Variants in LRMDA observed in about 807,000 individuals in gnomAD.
LRMDA encodes the protein leucine-rich melanocyte differentiation-associated protein.
Under a neutral mutation model 29.8 loss-of-function variants are expected in LRMDA, and 18 were observed. The observed-to-expected ratio is 0.60, with a 90% CI of 0.42 to 0.90. The LOEUF is 0.90. Ranked by LOEUF, LRMDA falls within the 40% of genes least tolerant of loss-of-function variation. The probability of loss-of-function intolerance (pLI) is 0.00; values close to 1 mark genes in which losing one functional copy is unlikely to be tolerated. For missense variants in LRMDA, 273 were observed against 273.9 expected (o/e 1.00, Z 0.02); for synonymous variants, 125 against 109.4 (o/e 1.14, Z -0.89).
At chr10:76,526,297 G>A (rs535359324) in intron 6 of LRMDA, among the ~76,000 whole-genome samples, 2 of 152,164 alleles carry the variant, frequency 1.3e-5, no homozygotes, top group Non-Finnish European at 2.9e-5. Context: ...TGAAAGAGCA[G>A]ATCAGTAGGC....
chr10:75,672,946 T>C (rs1414676648), intron 2 of LRMDA, among the ~76,000 whole-genome samples: 1 of 147,060 alleles, frequency 6.8e-6, no homozygotes, highest in African/African-American at 2.6e-5. Flanking sequence ...GATGTGATAA[T>C]CCAAACTGTT....
chr10:76,558,856 G>A lies in LRMDA; in HGVS notation c.*1568G>A, dbSNP rs1843590929. On this transcript the variant is annotated 3_prime_UTR_variant, in exon 7 of 7. Coordinates refer to ENST00000611255, the MANE Select transcript of LRMDA (RefSeq NM_001305581.2). ...CCCTGTTTGAGATTACACAACCTTTGTTAATCAGTTCTTTAGACAAGTTAA... is the reference window on the plus strand; with the variant it reads ...CCCTGTTTGAGATTACACAACCTTTATTAATCAGTTCTTTAGACAAGTTAA... 1 of 152,140 alleles carries A rather than the reference G, an allele frequency of 6.6e-6. No individual in the cohort carries two copies. The highest frequency in any genetic ancestry group is 1.5e-5 in the Non-Finnish European group (1 of 68,016). 9.4% of individuals were successfully genotyped at this position (152,140 alleles called of 1,614,324 possible).
rs1291726590 is a variant in LRMDA at position 76,444,116 on chromosome 10, G to C, written c.602-113093G>C. On this transcript the variant is annotated intron_variant, in intron 6 of 6. Coordinates refer to ENST00000611255, the MANE Select transcript of LRMDA (RefSeq NM_001305581.2). ...AGCTTTGTTCAGCTATTCCCTGGGT[G>C]GGGTGTTTGCCTTTCCTCTGAGAAA... Among the ~76,000 whole-genome samples the C allele has an allele frequency of 5.3e-5, 8 of 152,282 alleles. No individual in the cohort carries two copies. The South Asian group carries it at 6.2e-4, about 12-fold the overall frequency.
rs1044665757 is a variant in LRMDA, at chr10:75,800,530, C to T, written c.132-235478C>T. 5.9e-5 allele frequency among the ~76,000 whole-genome samples: 9 copies of T among 151,870 alleles called. 1 individual carries two copies. In the South Asian group the frequency reaches 8.3e-4, roughly 14 times the overall value. ...TCGGCTCACTCAAACCTCCGCCTCCCGCGTTCAAGTGATTCTTCAAGTGAA... is the reference window on the plus strand; with the variant it reads ...TCGGCTCACTCAAACCTCCGCCTCCTGCGTTCAAGTGATTCTTCAAGTGAA... On this transcript the variant is annotated intron_variant, in intron 2 of 6. Transcript: ENST00000611255.
intron 5 of LRMDA, among the ~76,000 whole-genome samples, chr10:76,247,683 T>C (rs1852400472): frequency 6.6e-6 from 1 of 151,902 alleles, no homozygotes; most frequent in Non-Finnish European, 1.5e-5. Context: ...CTATCAAGAG[T>C]AGAGTTTCTC....
chr10:75,649,426 G>A (rs745865145), intron 2 of LRMDA, among the ~76,000 whole-genome samples: 6 of 152,138 alleles, frequency 3.9e-5, no homozygotes, highest in Non-Finnish European at 8.8e-5. Context: ...TACCTCTTCA[G>A]CACTTTGTTT....
At chr10:76,194,069 T>A (rs568077121) in intron 5 of LRMDA, among the ~76,000 whole-genome samples, 1 of 152,314 alleles carries the variant, frequency 6.6e-6, no homozygotes, top group Admixed American at 6.5e-5. Flanking sequence ...AAATTAGTGG[T>A]GTGCAGTATT....
At chr10:76,199,672 T>C (rs914824263) in intron 5 of LRMDA, among the ~76,000 whole-genome samples, 6 of 152,164 alleles carry the variant, frequency 3.9e-5, no homozygotes, top group African/African-American at 9.7e-5. Flanking sequence ...ACTGAGGATG[T>C]AAGAAAAATG....
At chr10:75,918,647 T>C (rs1256074292) in intron 2 of LRMDA, among the ~76,000 whole-genome samples, 3 of 152,180 alleles carry the variant, frequency 2.0e-5, no homozygotes, top group African/African-American at 7.2e-5. Flanking sequence ...ATATCCAAAC[T>C]ATATCAACTA....
chr10:75,710,066 T>A (rs888174155), intron 2 of LRMDA, among the ~76,000 whole-genome samples: 2 of 152,242 alleles, frequency 1.3e-5, no homozygotes, highest in Admixed American at 1.3e-4. Context: ...TGACCTCTTC[T>A]GTTAAGTGTT....
intron 5 of LRMDA, among the ~76,000 whole-genome samples, chr10:76,285,357 G>A (rs75324298): frequency 0.015 from 2,298 of 152,066 alleles, 27 homozygotes; most frequent in Non-Finnish European, 0.021. Context: ...GGAGGGGGCA[G>A]TAAGGCCTTA....
intron 6 of LRMDA, among the ~76,000 whole-genome samples, chr10:76,356,548 A>G (rs1217980852): frequency 6.6e-6 from 1 of 152,196 alleles, no homozygotes; most frequent in African/African-American, 2.4e-5. Flanking sequence ...AGGAAAAGCA[A>G]GAAGAAATTT....
intron 2 of LRMDA, among the ~76,000 whole-genome samples, chr10:75,948,714 C>A (rs1409931294): frequency 6.6e-6 from 1 of 151,966 alleles, no homozygotes; most frequent in African/African-American, 2.4e-5. Context: ...CTGAGAGAAC[C>A]TTTTCTCCCC....
chr10:76,507,410 G>A (rs949129996), intron 6 of LRMDA, among the ~76,000 whole-genome samples: 31 of 151,448 alleles, frequency 2.0e-4, no homozygotes, highest in African/African-American at 7.3e-4. Flanking sequence ...GCATTCATTT[G>A]TTTATTGTTT....
intron 6 of LRMDA, among the ~76,000 whole-genome samples, chr10:76,435,805 A>T (rs1021945080): frequency 6.6e-6 from 1 of 152,228 alleles, no homozygotes; most frequent in Non-Finnish European, 1.5e-5. Flanking sequence ...GCCATTATCT[A>T]GAAGCAAAGT....
intron 6 of LRMDA, among the ~76,000 whole-genome samples, chr10:76,469,826 C>T (rs1842600098): frequency 6.6e-6 from 1 of 152,102 alleles, no homozygotes; most frequent in Non-Finnish European, 1.5e-5. Context: ...AAAACTTCCC[C>T]TACCCATGTA....
intron 2 of LRMDA, among the ~76,000 whole-genome samples, chr10:75,839,117 T>C (rs1251500507): frequency 6.6e-6 from 1 of 152,222 alleles, no homozygotes; most frequent in East Asian, 1.9e-4. Context: ...TTGTCATTTG[T>C]TAAAGTGTAG....
intron 2 of LRMDA, among the ~76,000 whole-genome samples, chr10:75,577,609 A>C (rs1840523953): frequency 6.6e-6 from 1 of 152,212 alleles, no homozygotes; most frequent in African/African-American, 2.4e-5. Context: ...GGTTGAAATG[A>C]AGGTAAAAAT....
At chr10:76,207,126 G>T (rs909726182) in intron 5 of LRMDA, among the ~76,000 whole-genome samples, 1 of 152,126 alleles carries the variant, frequency 6.6e-6, no homozygotes, top group East Asian at 1.9e-4. Context: ...GCTACTCTGT[G>T]CCACAACAGG....
Sources: allele counts gnomAD v4.1 joint callset (sites outside exome capture counted in the v4.1 genomes callset), GRCh38; gene constraint gnomAD v4.1.1; transcripts MANE v1.5; gene names NCBI Gene and HGNC (gene_info 2026-07-23, HGNC 2026-07-21).